The following LEF1 variants were observed in gnomAD, a reference collection of about 807,000 sequenced individuals.
LEF1 encodes lymphoid enhancer-binding factor 1.
In LEF1, 14 loss-of-function variants were observed where a neutral mutation model predicts 51.2. That is an observed-to-expected ratio of 0.27 (90% CI 0.18 to 0.43). The LOEUF is 0.43. Ranked by LOEUF, LEF1 falls within the 20% of genes least tolerant of loss-of-function variation. The probability of loss-of-function intolerance (pLI) is 1.00; values close to 1 mark genes in which losing one functional copy is unlikely to be tolerated. For missense variants in LEF1, 386 were observed against 512.0 expected (o/e 0.75, Z 2.37); for synonymous variants, 185 against 183.2 (o/e 1.01, Z -0.08).
At chr4:108,166,632 G>GTCTCTATTTAC in intron 1 of LEF1, 1 of 1,057,274 alleles carries the variant, frequency 9.5e-7, no homozygotes, top group Non-Finnish European at 1.1e-6. Context: ...GCACCCACGT[G>GTCTCTATTTAC]TCTCTATTTA....
chr4:108,109,534 G>A (rs1195882035), intron 3 of LEF1, among the ~76,000 whole-genome samples: 13 of 152,136 alleles, frequency 8.5e-5, no homozygotes, highest in Non-Finnish European at 5.9e-5. Flanking sequence ...GACCCTTGAA[G>A]GACTGTATGA....
intron 3 of LEF1, among the ~76,000 whole-genome samples, chr4:108,147,940 A>C (rs545653399): frequency 1.7e-4 from 26 of 152,352 alleles, no homozygotes; most frequent in African/African-American, 6.3e-4. Flanking sequence ...TATGTAAATA[A>C]ATGAAAACTT....
At chr4:108,144,100 G>C (rs1743846533) in intron 3 of LEF1, among the ~76,000 whole-genome samples, 1 of 152,124 alleles carries the variant, frequency 6.6e-6, no homozygotes, top group Non-Finnish European at 1.5e-5. Flanking sequence ...GGAGTTAATA[G>C]GTACTGCCCA....
chr4:108,091,527 A>G lies in LEF1; in HGVS notation c.415-2270T>C, dbSNP rs1022037073. Among the ~76,000 whole-genome samples the G allele has an allele frequency of 1.1e-4, 17 of 152,130 alleles. 1 individual carries two copies. The South Asian group carries it at 1.2e-3, about 11-fold the overall frequency. The stretch of plus-strand genomic sequence containing the variant: ...TTCCATACTAGATTTTCCCTATTTT[A>G]TAATTATCAGCTCTTCTTTAATGGC... On this transcript the variant is annotated intron_variant, in intron 3 of 11. Transcript: ENST00000265165.
At chr4:108,048,810 T>C (rs1736787419) in intron 11 of LEF1, 59 bp from the exon 12 acceptor site, 6 of 1,226,502 alleles carry the variant, frequency 4.9e-6, no homozygotes, top group Non-Finnish European at 7.0e-6. Context: ...CTTAAGATTA[T>C]AACCTCTATT....
chr4:108,157,187 C>T (rs1328778277), intron 3 of LEF1, among the ~76,000 whole-genome samples: 67 of 144,092 alleles, frequency 4.6e-4, no homozygotes, highest in African/African-American at 6.6e-4. Context: ...TATACACACA[C>T]ACACACACAC....
chr4:108,079,500 T>C lies in LEF1; in HGVS notation c.837A>G (p.Leu279=), dbSNP rs539970228. 6.2e-7 allele frequency: 1 copy of C among 1,614,106 alleles called. No individual in the cohort carries two copies. The highest frequency in any genetic ancestry group is 2.2e-5 in the East Asian group (1 of 44,866). ...KQEHPHTDSD[L]MHVKPQHEQR... ...CCCGGGTGGATACTTACACGTGCAT[T>C]AGGTCACTGTCAGTGTGGGGATGTT... Residue 279 remains leucine (L), a synonymous_variant, in exon 7 of 12, where the codon CTA becomes CTG. Transcript: ENST00000265165.
rs563869162 is a variant in LEF1 at position 108,129,281 on chromosome 4, G to C, written c.414+34287C>G. On this transcript the variant is annotated intron_variant, in intron 3 of 11. Coordinates refer to ENST00000265165, the MANE Select transcript of LEF1 (RefSeq NM_016269.5). ...TGTAGATTAGTCAACCAAATCACTAGAAGGAGGTCAAAAAACACAAACCCT... is the reference window on the plus strand; with the variant it reads ...TGTAGATTAGTCAACCAAATCACTACAAGGAGGTCAAAAAACACAAACCCT... Among the ~76,000 whole-genome samples the C allele has an allele frequency of 3.3e-5, 5 of 152,274 alleles. No homozygotes were observed. The East Asian group carries it at 9.7e-4, about 29-fold the overall frequency.
intron 8 of LEF1, among the ~76,000 whole-genome samples, chr4:108,076,846 C>A (rs1461391943): frequency 6.6e-6 from 1 of 151,686 alleles, no homozygotes; most frequent in Non-Finnish European, 1.5e-5. Flanking sequence ...CACAGTGAAA[C>A]CCTGTCTCTA....
intron 3 of LEF1, among the ~76,000 whole-genome samples, chr4:108,098,110 T>G (rs555512911): frequency 1.3e-5 from 2 of 152,300 alleles, no homozygotes; most frequent in Admixed American, 1.3e-4. Context: ...CAAGGTTTTC[T>G]GGTGCTGGTC....
intron 3 of LEF1, among the ~76,000 whole-genome samples, chr4:108,134,166 C>A (rs868491457): frequency 2.7e-4 from 40 of 146,914 alleles, no homozygotes; most frequent in African/African-American, 2.2e-4. Flanking sequence ...CCAAATTTAC[C>A]AAAAAAAAAA....
chr4:108,091,495 A>T (rs187006112), intron 3 of LEF1, among the ~76,000 whole-genome samples: 13 of 152,024 alleles, frequency 8.6e-5, no homozygotes, highest in African/African-American at 2.9e-4. Flanking sequence ...TTGGAAAATG[A>T]TATAATTTCC....
At chr4:108,092,385 T>A (rs1740081466) in intron 3 of LEF1, among the ~76,000 whole-genome samples, 2 of 152,222 alleles carry the variant, frequency 1.3e-5, no homozygotes, top group Admixed American at 6.5e-5. Flanking sequence ...GTTTGCTTCC[T>A]GCCAACCATC....
intron 11 of LEF1, among the ~76,000 whole-genome samples, chr4:108,052,434 G>C (rs1036300713): frequency 7.9e-4 from 120 of 152,172 alleles, no homozygotes; most frequent in Non-Finnish European, 1.5e-3. Flanking sequence ...GGTTTTATGA[G>C]AGGTAAACAG....
intron 11 of LEF1, 88 bp downstream of exon 11, chr4:108,063,535 G>A (rs1336822271): frequency 1.0e-6 from 1 of 993,820 alleles, no homozygotes; most frequent in Non-Finnish European, 1.5e-6. Flanking sequence ...AATGTCGAAT[G>A]AACTCATTAT....
intron 3 of LEF1, among the ~76,000 whole-genome samples, chr4:108,122,720 A>C (rs1172613734): frequency 6.6e-6 from 1 of 152,124 alleles, no homozygotes; most frequent in Non-Finnish European, 1.5e-5. Context: ...TCCTGGACTC[A>C]AGCAATCCTC....
intron 3 of LEF1, among the ~76,000 whole-genome samples, chr4:108,151,754 G>A (rs188563170): frequency 1.7e-4 from 26 of 152,218 alleles, no homozygotes; most frequent in East Asian, 9.6e-4. Context: ...AATAACTAAC[G>A]TCTAGTCCAT....
chr4:108,115,824 G>C (rs905013637), intron 3 of LEF1, among the ~76,000 whole-genome samples: 1 of 143,940 alleles, frequency 6.9e-6, no homozygotes, highest in African/African-American at 2.7e-5. Context: ...GAGGTTAAAA[G>C]GTCTGCCTAT....
chr4:108,166,310 C>CT, intron 1 of LEF1: 1 of 1,532,466 alleles, frequency 6.5e-7, no homozygotes, highest in South Asian at 1.2e-5. Flanking sequence ...CTGAGGTGTT[C>CT]TTAAACGCGC....
Sources: allele counts gnomAD v4.1 joint callset (sites outside exome capture counted in the v4.1 genomes callset), GRCh38; gene constraint gnomAD v4.1.1; transcripts MANE v1.5; gene names NCBI Gene and HGNC (gene_info 2026-07-23, HGNC 2026-07-21).